ADAMTS12: variants seen among roughly 807,000 people sequenced by gnomAD.
The protein encoded by ADAMTS12 is A disintegrin and metalloproteinase with thrombospondin motifs 12.
In ADAMTS12, 118 loss-of-function variants were observed where a neutral mutation model predicts 167.8. The observed-to-expected ratio is 0.70, with a 90% confidence interval of 0.61 to 0.82. ADAMTS12 has a LOEUF of 0.82. Among genes scored for constraint, ADAMTS12 ranks in the 40% least tolerant of loss-of-function variants. The probability of loss-of-function intolerance (pLI) is 0.00; values close to 1 mark genes in which losing one functional copy is unlikely to be tolerated. For missense variants in ADAMTS12, 1,916 were observed against 1,998.8 expected (o/e 0.96, Z 0.79); for synonymous variants, 704 against 716.9 (o/e 0.98, Z 0.29).
intron 2 of ADAMTS12, among the ~76,000 whole-genome samples, chr5:33,795,137 T>C (rs1197100578): frequency 6.6e-6 from 1 of 152,196 alleles, no homozygotes; most frequent in Non-Finnish European, 1.5e-5. Context: ...TTCTCTATAG[T>C]TCTGGCTGTA....
intron 3 of ADAMTS12, among the ~76,000 whole-genome samples, chr5:33,714,176 A>G (rs562137116): frequency 3.3e-5 from 5 of 152,108 alleles, no homozygotes; most frequent in Non-Finnish European, 7.4e-5. Context: ...TTACAGCTGA[A>G]GAAGGGGGAA....
chr5:33,715,494 AAAG>A (rs1248145383), intron 3 of ADAMTS12, among the ~76,000 whole-genome samples: 1 of 152,170 alleles, frequency 6.6e-6, no homozygotes, highest in African/African-American at 2.4e-5. Flanking sequence ...TGATTAAAAC[AAAG>A]AAGTAAAAAT....
chr5:33,698,237 C>T (rs755985482), intron 3 of ADAMTS12, among the ~76,000 whole-genome samples: 10 of 152,174 alleles, frequency 6.6e-5, no homozygotes, highest in African/African-American at 1.2e-4. Flanking sequence ...AATGATGTTA[C>T]ATTTTGCTTA....
chr5:33,671,719 T>C (rs577572049), intron 5 of ADAMTS12, among the ~76,000 whole-genome samples: 1 of 151,822 alleles, frequency 6.6e-6, no homozygotes, highest in Non-Finnish European at 1.5e-5. Context: ...CAAAGCCACA[T>C]ACTCACATAC....
At chr5:33,676,894 C>G (rs1454529734) in intron 5 of ADAMTS12, among the ~76,000 whole-genome samples, 1 of 152,118 alleles carries the variant, frequency 6.6e-6, no homozygotes, top group Non-Finnish European at 1.5e-5. Flanking sequence ...CAACACTAAA[C>G]CACTCTCAGT....
intron 17 of ADAMTS12, among the ~76,000 whole-genome samples, chr5:33,593,146 G>A (rs138490385): frequency 2.0e-5 from 3 of 152,212 alleles, no homozygotes; most frequent in African/African-American, 7.2e-5. Context: ...ATGTGGTGGT[G>A]TGCGCCTGTA....
intron 2 of ADAMTS12, among the ~76,000 whole-genome samples, chr5:33,810,872 C>T (rs1006642325): frequency 3.3e-5 from 5 of 152,196 alleles, no homozygotes; most frequent in Non-Finnish European, 5.9e-5. Context: ...CCATACACTC[C>T]TCAGCCATCT....
chr5:33,843,681 G>A (rs1036542653), intron 2 of ADAMTS12, among the ~76,000 whole-genome samples: 1 of 152,184 alleles, frequency 6.6e-6, no homozygotes, highest in Non-Finnish European at 1.5e-5. Flanking sequence ...CTTATCCACA[G>A]AGGATATGTT....
At chr5:33,768,390 T>C (rs1327397486) in intron 2 of ADAMTS12, among the ~76,000 whole-genome samples, 1 of 152,212 alleles carries the variant, frequency 6.6e-6, no homozygotes, top group Non-Finnish European at 1.5e-5. Flanking sequence ...TTTAGAGGCA[T>C]AGGGGTTATC....
chr5:33,686,790 CTA>C (rs1190935181), intron 3 of ADAMTS12, among the ~76,000 whole-genome samples: 1 of 149,538 alleles, frequency 6.7e-6, no homozygotes, highest in African/African-American at 2.5e-5. Context: ...TATTCAGTGC[CTA>C]TATATATAGA....
intron 12 of ADAMTS12, among the ~76,000 whole-genome samples, chr5:33,633,826 C>A (rs1311747319): frequency 6.6e-6 from 1 of 152,154 alleles, no homozygotes; most frequent in African/African-American, 2.4e-5. Context: ...GAGTTGAGTA[C>A]TTTCCTTGTC....
intron 1 of ADAMTS12, among the ~76,000 whole-genome samples, chr5:33,890,623 TC>T (rs1350624327): frequency 1.3e-5 from 2 of 152,128 alleles, no homozygotes. Flanking sequence ...GGAGGACACT[TC>T]CCGAGGCTTC....
intron 2 of ADAMTS12, chr5:33,880,903 C>G: frequency 3.3e-6 from 2 of 601,988 alleles, no homozygotes; most frequent in East Asian, 3.0e-5. Flanking sequence ...TCTGCCTCCT[C>G]TGAACCCTCA....
Position 33,763,785 on chromosome 5 carries a change from T to C in ADAMTS12, c.490-12237A>G, listed in dbSNP as rs991279754. Reference sequence around the variant, plus strand: ...TCTGATATATTCCATTCTGTGCCACTCTATTTCATTTATTTTAAATTCTGG... The same window carrying C: ...TCTGATATATTCCATTCTGTGCCACCCTATTTCATTTATTTTAAATTCTGG... On this transcript the variant is annotated intron_variant, in intron 2 of 23. Transcript: ENST00000504830. Among the ~76,000 whole-genome samples, 82 of 152,250 alleles carry C rather than the reference T, an allele frequency of 5.4e-4. 1 individual carries two copies. The highest frequency in any genetic ancestry group is 1.2e-4 in the Non-Finnish European group (8 of 68,044).
chr5:33,543,211 A>T (rs187556233), intron 22 of ADAMTS12, among the ~76,000 whole-genome samples: 10 of 152,318 alleles, frequency 6.6e-5, no homozygotes, highest in African/African-American at 2.4e-4. Flanking sequence ...AATACAAACT[A>T]CCATCAGAGA....
chr5:33,765,795 G>T (rs1264435161), intron 2 of ADAMTS12, among the ~76,000 whole-genome samples: 3 of 151,954 alleles, frequency 2.0e-5, no homozygotes, highest in African/African-American at 7.3e-5. Context: ...CAAAAAAAAA[G>T]TTATTTAAAA....
chr5:33,830,306 C>T (rs1342327912), intron 2 of ADAMTS12, among the ~76,000 whole-genome samples: 5 of 152,036 alleles, frequency 3.3e-5, no homozygotes, highest in African/African-American at 7.2e-5. Context: ...GGAGGTAAGA[C>T]AACTGGAATA....
At chr5:33,612,469 G>A (rs1738774489) in intron 16 of ADAMTS12, among the ~76,000 whole-genome samples, 1 of 152,240 alleles carries the variant, frequency 6.6e-6, no homozygotes, top group Non-Finnish European at 1.5e-5. Flanking sequence ...TGAAACAGAA[G>A]TGAGTGGAGG....
intron 2 of ADAMTS12, among the ~76,000 whole-genome samples, chr5:33,793,506 C>A (rs1190055131): frequency 6.6e-6 from 1 of 152,120 alleles, no homozygotes; most frequent in Non-Finnish European, 1.5e-5. Context: ...TCTGGATGGG[C>A]TATAAATATC....
Sources: allele counts gnomAD v4.1 joint callset (sites outside exome capture counted in the v4.1 genomes callset), GRCh38; gene constraint gnomAD v4.1.1; transcripts MANE v1.5; gene names NCBI Gene and HGNC (gene_info 2026-07-23, HGNC 2026-07-21).